KDM5A: variants seen among roughly 807,000 people sequenced by gnomAD.
The protein encoded by KDM5A is lysine demethylase 5A.
Under a neutral mutation model 193.5 loss-of-function variants are expected in KDM5A, and 42 were observed. The ratio of observed to expected loss-of-function variants is 0.22; its 90% CI spans 0.17 to 0.28. KDM5A has a LOEUF of 0.28. Ranked by LOEUF, KDM5A falls within the 10% of genes least tolerant of loss-of-function variation. The pLI, the probability that KDM5A is intolerant of heterozygous loss-of-function variation, is 1.00. For synonymous variants in KDM5A, 796 were observed against 718.1 expected (o/e 1.11, Z -1.73); for missense variants, 1,692 against 2,055.1 (o/e 0.82, Z 3.42).
rs537689665 is a variant in KDM5A, at chr12:364,210, G to A, written c.538-1113C>T. On this transcript the variant is annotated intron_variant, in intron 4 of 27. Transcript: ENST00000399788. ...ACACAGGCCGGGTGCGGTGGCTCAC[G>A]CCTATAATCTCAGCACTTTGGGTGG... Among the ~76,000 whole-genome samples, 6 of 151,920 alleles carry A rather than the reference G, an allele frequency of 3.9e-5. No individual in the cohort carries two copies. The South Asian group carries it at 6.3e-4, about 16-fold the overall frequency.
At chr12:330,054 A>AGTGTGTATGTGT (rs1436319928) in intron 13 of KDM5A, among the ~76,000 whole-genome samples, 4 of 142,342 alleles carry the variant, frequency 2.8e-5, no homozygotes, top group African/African-American at 1.1e-4. Flanking sequence ...CAAAGGAAAA[A>AGTGTGTATGTGT]GTGTGTGTGT....
rs1432550616 is a variant in KDM5A, at chr12:389,249, C to G, written c.-158G>C. 1.3e-6 allele frequency: 1 copy of G among 772,072 alleles called. No homozygotes were observed. Among genetic ancestry groups the G allele is most frequent in the Non-Finnish European group, 2.3e-6 (1 of 440,978 alleles). 47.8% of individuals were successfully genotyped at this position (772,072 alleles called of 1,614,324 possible). A position where few individuals can be genotyped will look rare whatever the true frequency, so the allele number is the denominator to read the frequency against. ...AGAAACCCCAGAATCGCTTCCTCCT[C>G]CCGTTTGTTATTGTTTCTTGCAAGG... is the stretch of plus-strand genomic sequence containing the variant. On this transcript the variant is annotated 5_prime_UTR_variant, in exon 1 of 28. Transcript: ENST00000399788.
At position 323,500 on chromosome 12, in the gene KDM5A, G is replaced by C. The variant is rs3213751; in HGVS notation, c.2150+100C>G. On this transcript the variant is annotated intron_variant, in intron 15 of 27. Transcript: ENST00000399788. Reference sequence around the variant, plus strand: ...TAGAAGTAGACAGTGAAGTTTAGAAGTCCAGAGTAAAGGAGTAAAGTAAGG... The same window carrying C: ...TAGAAGTAGACAGTGAAGTTTAGAACTCCAGAGTAAAGGAGTAAAGTAAGG... The C allele has an allele frequency of 0.25, 306,291 of 1,235,120 alleles. 39,370 individuals are homozygous for C. The highest frequency in any genetic ancestry group is 0.29 in the South Asian group (23,493 of 80,740). The allele number at this position is 1,235,120 out of a possible 1,614,324, so 76.5% of individuals were successfully genotyped here.
intron 27 of KDM5A, 83 bp from the exon 28 acceptor site, chr12:285,745 T>C (rs745723462): frequency 8.9e-6 from 11 of 1,235,950 alleles, no homozygotes; most frequent in Non-Finnish European, 1.3e-5. Context: ...CTTTCTTGGC[T>C]TAAACAATAG....
rs147646291 is a variant in KDM5A, at chr12:289,437, T to A, written c.4866+3322A>T. On this transcript the variant is annotated intron_variant, in intron 27 of 27. Coordinates refer to ENST00000399788, the MANE Select transcript of KDM5A (RefSeq NM_001042603.3). ...TAATAATCAAAGGAAAAATTATTTTTTCAAAATCTTTTACATTATTCTGGT... is the reference window on the plus strand; with the variant it reads ...TAATAATCAAAGGAAAAATTATTTTATCAAAATCTTTTACATTATTCTGGT... Among the ~76,000 whole-genome samples, 739 of 152,272 alleles carry A rather than the reference T, an allele frequency of 4.9e-3. 9 individuals carry two copies. The highest frequency in any genetic ancestry group is 0.016 in the African/African-American group (673 of 41,568).
intron 15 of KDM5A, among the ~76,000 whole-genome samples, 182 bp from the exon 16 acceptor site, chr12:323,388 G>T (rs1162978118): frequency 1.3e-5 from 2 of 152,132 alleles, no homozygotes; most frequent in African/African-American, 2.4e-5. Flanking sequence ...TCTTAATTCA[G>T]GGAGACAAGG....
chr12:280,357 A>AT lies in KDM5A; in HGVS notation c.*5098dup, dbSNP rs534638175. On this transcript the variant is annotated 3_prime_UTR_variant, in exon 28 of 28. Coordinates refer to ENST00000399788, the MANE Select transcript of KDM5A (RefSeq NM_001042603.3). Reference sequence around the variant, plus strand: ...ATCTAAACTGGGAGGGTCCAACACAATTTTTTTTTTTAATGGACTTGCCAC... The same window carrying AT: ...ATCTAAACTGGGAGGGTCCAACACAATTTTTTTTTTTTAATGGACTTGCCAC... 9.7e-3 allele frequency: 1,852 copies of AT among 191,324 alleles called. No individual in the cohort carries two copies. The highest frequency in any genetic ancestry group is 0.025 in the East Asian group (289 of 11,426). The allele number at this position is 191,324 out of a possible 1,614,324, so 11.9% of individuals were successfully genotyped here. A position where few individuals can be genotyped will look rare whatever the true frequency, so the allele number is the denominator to read the frequency against.
chr12:363,202 C>A lies in KDM5A; in HGVS notation c.538-105G>T, dbSNP rs187344920. 38 of 1,295,816 alleles carry A rather than the reference C, an allele frequency of 2.9e-5. 1 individual carries two copies. The East Asian group carries it at 6.8e-4, about 23-fold the overall frequency. 80.3% of individuals were successfully genotyped at this position (1,295,816 alleles called of 1,614,324 possible). A position where few individuals can be genotyped will look rare whatever the true frequency, so the allele number is the denominator to read the frequency against. On this transcript the variant is annotated intron_variant, in intron 4 of 27. Transcript: ENST00000399788. ...TGCCAATGAATCCCTAAAACTAGACCGCAATTATTTCTCAAACTGACATAC... is the reference window on the plus strand; with the variant it reads ...TGCCAATGAATCCCTAAAACTAGACAGCAATTATTTCTCAAACTGACATAC...
chr12:383,489 T>C (rs1378016342), intron 3 of KDM5A, among the ~76,000 whole-genome samples: 1 of 151,986 alleles, frequency 6.6e-6, no homozygotes, highest in Non-Finnish European at 1.5e-5. Flanking sequence ...AGTGCTGGGA[T>C]TACAGGCATG....
chr12:330,059 G>A (rs1026499416), intron 13 of KDM5A, among the ~76,000 whole-genome samples: 1 of 120,376 alleles, frequency 8.3e-6, no homozygotes. Context: ...GAAAAAGTGT[G>A]TGTGTGTGTG....
rs545224141 is a variant in KDM5A at position 386,999 on chromosome 12, TTA to T, written c.166-1027_166-1026del. Among the ~76,000 whole-genome samples the T allele has an allele frequency of 2.4e-3, 373 of 152,310 alleles. 3 individuals are homozygous for T. Among genetic ancestry groups the T allele is most frequent in the African/African-American group, 8.8e-3 (364 of 41,570 alleles). The stretch of plus-strand genomic sequence containing the variant: ...AACTTATTTATTTAAACGATTTTTT[TTA>T]TGTTATGTGTAATGTGACAGAGCAC... On this transcript the variant is annotated intron_variant, in intron 1 of 27. Transcript: ENST00000399788.
chr12:326,864 CAAAAAAAAAAA>C (rs61571425), intron 14 of KDM5A, among the ~76,000 whole-genome samples: 24 of 85,992 alleles, frequency 2.8e-4, no homozygotes, highest in South Asian at 1.6e-3. Context: ...GACTCTGTCT[CAAAAAAAAAAA>C]AAAAAAAAAA....
chr12:357,475 C>T lies in KDM5A; in HGVS notation c.673-938G>A, dbSNP rs922933426. On this transcript the variant is annotated intron_variant, in intron 5 of 27. Transcript: ENST00000399788. ...CATGATTGTCCTACCACACCCCAGC[C>T]TGGGTGACACAAAAAGACCCTGTCT... Among the ~76,000 whole-genome samples the T allele has an allele frequency of 4.0e-5, 6 of 151,776 alleles. No homozygotes were observed. In the South Asian group the frequency reaches 8.3e-4, roughly 21 times the overall value.
At chr12:346,009 T>C (rs1052132024) in intron 10 of KDM5A, among the ~76,000 whole-genome samples, 10 of 151,988 alleles carry the variant, frequency 6.6e-5, no homozygotes, top group South Asian at 2.1e-4. Context: ...ACAAAATTGA[T>C]AGACCACGAG....
intron 12 of KDM5A, 60 bp from the exon 13 acceptor site, chr12:331,998 A>G: frequency 2.0e-6 from 3 of 1,496,178 alleles, no homozygotes; most frequent in Non-Finnish European, 2.8e-6. Flanking sequence ...AAACAGAGGA[A>G]GACAGATTTT....
chr12:333,426 AAG>A (rs2137424675), intron 12 of KDM5A, 59 bp downstream of exon 12: 1 of 1,594,292 alleles, frequency 6.3e-7, no homozygotes, highest in East Asian at 2.2e-5. Flanking sequence ...TTCAAAAAAA[AAG>A]AAAAAAGAAA....
intron 6 of KDM5A, among the ~76,000 whole-genome samples, chr12:356,196 T>G (rs1485741154): frequency 6.6e-6 from 1 of 152,178 alleles, no homozygotes; most frequent in African/African-American, 2.4e-5. Context: ...TGTCATATAT[T>G]ACACAGAGAA....
intron 3 of KDM5A, among the ~76,000 whole-genome samples, chr12:382,480 G>T (rs1029098692): frequency 2.0e-5 from 3 of 150,746 alleles, no homozygotes; most frequent in Non-Finnish European, 3.0e-5. Flanking sequence ...AAAAAAAAGT[G>T]AAATCTTCTA....
Position 293,124 on chromosome 12 carries a change from A to T in KDM5A, c.4501T>A (p.Ser1501Thr). ...TTCCGTTTCCGTTTCTTCTCTGAAG[A>T]GTCCTTTCCTTTCACTTTTAGTGGT... ...EKPLKVKGKD[S>T]SEKKRKRKLE... The change falls in exon 27 of 28, where the codon TCT becomes ACT. Residue 1501 changes from serine (S) to threonine (T), a missense_variant. This residue lies in a region of KDM5A where 965 missense variants were observed against 1,061.0 expected (regional missense o/e 0.91). Transcript: ENST00000399788. 1 of 1,605,188 alleles carries T rather than the reference A, an allele frequency of 6.2e-7. No homozygotes were observed. Among genetic ancestry groups the T allele is most frequent in the Non-Finnish European group, 8.5e-7 (1 of 1,177,918 alleles).
Sources: allele counts gnomAD v4.1 joint callset (sites outside exome capture counted in the v4.1 genomes callset), GRCh38; gene constraint gnomAD v4.1.1; regional missense constraint gnomAD v4.1.1; transcripts MANE v1.5; gene names NCBI Gene and HGNC (gene_info 2026-07-23, HGNC 2026-07-21).